The following TTN variants were observed in gnomAD, a reference collection of about 807,000 sequenced individuals.
The protein encoded by TTN is titin.
A neutral mutation model predicts 3,223.0 loss-of-function variants in TTN; 1,525 were observed. The observed-to-expected ratio is 0.47, with a 90% CI of 0.45 to 0.49. The LOEUF is 0.49. TTN is among the 20% of genes least tolerant of loss of function. The pLI, the probability that TTN is intolerant of heterozygous loss-of-function variation, is 0.00. For synonymous variants in TTN, 14,094 were observed against 15,161.0 expected (o/e 0.93, Z 5.17); for missense variants, 40,786 against 43,424.0 (o/e 0.94, Z 5.40).
In TTN at chr2:178,672,230, G is replaced by A; in HGVS notation, c.34968C>T (p.Phe11656=). ...TVLEEKVSVA[F]RQEVVVKERL... ...TTTCTTTTACTACTACTTCTTGGCG[G>A]AAGGCAACTGATACTTTTTCTTCAA... The change falls in exon 155 of 363, where the codon TTC becomes TTT. Residue 11656 remains phenylalanine, a synonymous_variant. Coordinates refer to ENST00000589042, the MANE Select transcript of TTN (RefSeq NM_001267550.2). 1 of 1,567,496 alleles carries A rather than the reference G, an allele frequency of 6.4e-7. No homozygotes were observed. The highest frequency in any genetic ancestry group is 8.7e-7 in the Non-Finnish European group (1 of 1,155,274).
chr2:178,802,068 G>A, intron 3 of TTN, 70 bp downstream of exon 3: 1 of 1,591,752 alleles, frequency 6.3e-7, no homozygotes, highest in South Asian at 1.1e-5. Flanking sequence ...GCTTTTTCTG[G>A]ACTCCTTTCC....
At chr2:178,685,646 G>A (rs768800184) in intron 127 of TTN, 48 bp from the exon 128 acceptor site, 1 of 1,569,372 alleles carries the variant, frequency 6.4e-7, no homozygotes, top group Non-Finnish European at 8.7e-7. Flanking sequence ...TGTTTTTCAT[G>A]TTTATTTTTA....
Position 178,727,582 on chromosome 2 carries a change from C to T in TTN, c.19993+3G>A. On this transcript the variant is annotated splice_donor_region_variant and intron_variant, in intron 68 of 362. Transcript: ENST00000589042. ...GAAACATAAAGGAATCAAATTTGCA[C>T]ACCTGTCACAAGCAACATCGTAGTA... is the stretch of plus-strand genomic sequence containing the variant. 1 of 1,554,790 alleles carries T rather than the reference C, an allele frequency of 6.4e-7. No individual in the cohort carries two copies. The highest frequency in any genetic ancestry group is 1.3e-5 in the South Asian group (1 of 79,570).
chr2:178,710,766 T>C lies in TTN; in HGVS notation c.28331A>G (p.Gln9444Arg). Residue 9444 changes from glutamine to arginine, a missense_variant, in exon 98 of 363, where the codon CAG (glutamine) becomes CGG (arginine). Coordinates refer to ENST00000589042, the MANE Select transcript of TTN (RefSeq NM_001267550.2). ...GGCGCTGTTTTCCAGATAACTAATC[T>C]GGTACTTTCCGCCACTTCGTATTTC... is the stretch of plus-strand genomic sequence containing the variant. ...SREIRSGGKY[Q>R]ISYLENSAHL... 1 of 1,613,970 alleles carries C rather than the reference T, an allele frequency of 6.2e-7. No individual in the cohort carries two copies. Among genetic ancestry groups the C allele is most frequent in the Non-Finnish European group, 8.5e-7 (1 of 1,179,846 alleles).
Position 178,564,628 on chromosome 2 carries a change from A to G in TTN, c.81504T>C (p.Arg27168=). 1.2e-6 allele frequency: 2 copies of G among 1,613,576 alleles called. No homozygotes were observed. The highest frequency in any genetic ancestry group is 1.7e-5 in the Admixed American group (1 of 59,982). The change falls in exon 326 of 363, where the codon CGT becomes CGC. Residue 27168 remains arginine (R), a synonymous_variant. Transcript: ENST00000589042. The stretch of plus-strand genomic sequence containing the variant: ...GGCGACCAGGTGGGTCACATGGATC[A>G]CGAGCAACAAAGCATTCTGACACTT... ...PSKVSECFVA[R]DPCDPPGRPE...
chr2:178,757,229 A>ACTGTACTTG (rs1398848581), intron 45 of TTN, among the ~76,000 whole-genome samples: 2 of 149,626 alleles, frequency 1.3e-5, no homozygotes, highest in East Asian at 2.0e-4. Flanking sequence ...AGTAAGTAAT[A>ACTGTACTTG]ATCAGCAAAT....
In TTN at chr2:178,599,036, T is replaced by C. The variant is rs780258242; in HGVS notation, c.56674A>G (p.Thr18892Ala). The change falls in exon 291 of 363, where the codon ACA becomes GCA. Residue 18892 changes from threonine (T) to alanine (A), a missense_variant. Physicochemically the swap from Thr to Ala is moderately conservative, Grantham distance 58. Coordinates refer to ENST00000589042, the MANE Select transcript of TTN (RefSeq NM_001267550.2). ...GAGTTACGAGTCACGCTGCTAACTG[T>C]TGGTTTATCTGGTGCTCCAGGGACA... ...FSVPGAPDKP[T>A]VSSVTRNSMT... is the part of the protein sequence containing the mutation. 1 of 1,578,896 alleles carries C rather than the reference T, an allele frequency of 6.3e-7. No homozygotes were observed. Among genetic ancestry groups the C allele is most frequent in the South Asian group, 1.2e-5 (1 of 85,414 alleles).
rs771748059 is a variant in TTN, at chr2:178,714,381, C to G, written c.26393G>C (p.Arg8798Thr). Reference protein sequence around the residue: ...SENIATLQFSRVEPANAGKYT... With the variant: ...SENIATLQFSTVEPANAGKYT... ...TTTTCCAGCATTGGCTGGTTCCACT[C>G]TTGAAAACTGTAAGGTTGCAATGTT... The change falls in exon 91 of 363, where the codon AGA (arginine) becomes ACA (threonine). Residue 8798 changes from arginine to threonine, a missense_variant. By Grantham distance (71) the Arg-to-Thr change is moderately conservative (BLOSUM62 -1). Transcript: ENST00000589042. The G allele has an allele frequency of 3.0e-5, 49 of 1,613,658 alleles. No homozygotes were observed. The highest frequency in any genetic ancestry group is 6.7e-5 in the Admixed American group (4 of 59,984).
rs886042397 is a variant in TTN at position 178,764,801 on chromosome 2, C to T, written c.9714G>A (p.Pro3238=). 5.6e-6 allele frequency: 9 copies of T among 1,612,962 alleles called. No individual in the cohort carries two copies. The highest frequency in any genetic ancestry group is 3.3e-5 in the Admixed American group (2 of 59,976). Residue 3238 remains proline, a synonymous_variant, in exon 42 of 363, where the codon CCG becomes CCA. Coordinates refer to ENST00000589042, the MANE Select transcript of TTN (RefSeq NM_001267550.2). The part of the protein sequence containing the change: ...SVTLYVNAPE[P]PQVLQELQPV... ...GCTGGAGCTCCTGCAGAACTTGGGGCGGTTCAGGAGCTAGGAGTAAATGTT... is the reference window on the plus strand; with the variant it reads ...GCTGGAGCTCCTGCAGAACTTGGGGTGGTTCAGGAGCTAGGAGTAAATGTT...
Position 178,571,860 on chromosome 2 carries a change from G to C in TTN, c.74272C>G (p.Gln24758Glu), listed in dbSNP as rs1015935551. ...CTCTCTGCATTTACTCTAGTTGTCT[G>C]CTTCAGTGGTACATTATCTTTATGC... ...TWHKDNVPLK[Q>E]TTRVNAESTE... The change falls in exon 326 of 363, where the codon CAG becomes GAG. Residue 24758 changes from glutamine to glutamate, a missense_variant. By Grantham distance (29) the Gln-to-Glu change is conservative. Coordinates refer to ENST00000589042, the MANE Select transcript of TTN (RefSeq NM_001267550.2). 6.2e-7 allele frequency: 1 copy of C among 1,613,398 alleles called. No homozygotes were observed. Among genetic ancestry groups the C allele is most frequent in the Admixed American group, 1.7e-5 (1 of 59,972 alleles).
In TTN at chr2:178,734,622, A is replaced by G; in HGVS notation, c.15218-16T>C. 1 of 1,560,154 alleles carries G rather than the reference A, an allele frequency of 6.4e-7. No homozygotes were observed. Among genetic ancestry groups the G allele is most frequent in the Non-Finnish European group, 8.7e-7 (1 of 1,154,282 alleles). On this transcript the variant is annotated splice_polypyrimidine_tract_variant and intron_variant, in intron 51 of 362. Transcript: ENST00000589042. Reference sequence around the variant, plus strand: ...GAAGGAGGTTCTACAAAAGCATGAAAGCATTGTGTAAGTAATGGGTAATAA... The same window carrying G: ...GAAGGAGGTTCTACAAAAGCATGAAGGCATTGTGTAAGTAATGGGTAATAA...
chr2:178,584,258 A>G lies in TTN; in HGVS notation c.65275+18T>C. 1 of 1,528,282 alleles carries G rather than the reference A, an allele frequency of 6.5e-7. No homozygotes were observed. The highest frequency in any genetic ancestry group is 8.8e-7 in the Non-Finnish European group (1 of 1,142,306). 94.7% of individuals were successfully genotyped at this position (1,528,282 alleles called of 1,614,324 possible). On this transcript the variant is annotated intron_variant, in intron 311 of 362. Transcript: ENST00000589042. The stretch of plus-strand genomic sequence containing the variant: ...AATACTAAAACAACAACAACAATAA[A>G]AAAACCCCAAAACTTACCAACTGGC...
In TTN at chr2:178,601,051, C is replaced by A; in HGVS notation, c.55853G>T (p.Cys18618Phe). The A allele has an allele frequency of 6.2e-7, 1 of 1,612,928 alleles. No individual in the cohort carries two copies. The change falls in exon 288 of 363, where the codon TGC (cysteine) becomes TTC (phenylalanine). Residue 18618 changes from cysteine (C) to phenylalanine (F), a missense_variant. Physicochemically the swap from Cys to Phe is radical, Grantham distance 205. Transcript: ENST00000589042. Reference protein sequence around the residue: ...GSPVTHYIVECLAWDPTGTKK... With the variant: ...GSPVTHYIVEFLAWDPTGTKK... ...TGTCCCAGTAGGGTCCCATGCAAGG[C>A]ACTCAACAATATAGTGGGTAACAGG...
rs144101806 is a variant in TTN, at chr2:178,544,114, T to C, written c.96030A>G (p.Glu32010=). The C allele has an allele frequency of 5.9e-5, 95 of 1,604,312 alleles. 1 individual carries two copies. The East Asian group carries it at 2.1e-3, about 36-fold the overall frequency. Residue 32010 remains glutamate (E), a splice_region_variant and synonymous_variant, in exon 346 of 363, where the codon GAA becomes GAG. Transcript: ENST00000589042. ...IAEIEPVERI[E]IPDLELADDL... is the part of the protein sequence containing the mutation. ...CATCTGCAAGCTCAAGATCTGGTAT[T>C]TCTGGAAAGTTAATGACAAAATTTA...
In TTN at chr2:178,573,962, G is replaced by T; in HGVS notation, c.72170C>A (p.Pro24057Gln). 1 of 1,613,338 alleles carries T rather than the reference G, an allele frequency of 6.2e-7. No individual in the cohort carries two copies. Among genetic ancestry groups the T allele is most frequent in the Non-Finnish European group, 8.5e-7 (1 of 1,179,596 alleles). ...TTTGCTCCATTCCATTGTTGGAGGTGGGCGGCCTGAAACATCAGCTTCCAG... is the reference window on the plus strand; with the variant it reads ...TTTGCTCCATTCCATTGTTGGAGGTTGGCGGCCTGAAACATCAGCTTCCAG... ...FRLEADVSGR[P>Q]PPTMEWSKDG... Residue 24057 changes from proline (P) to glutamine (Q), a missense_variant, in exon 326 of 363, where the codon CCA becomes CAA. Coordinates refer to ENST00000589042, the MANE Select transcript of TTN (RefSeq NM_001267550.2).
Position 178,586,618 on chromosome 2 carries a change from A to G in TTN, c.64283T>C (p.Val21428Ala), listed in dbSNP as rs1576014979. Reference sequence around the variant, plus strand: ...TTTCTTTCCTTCCTTTAGGCCAGTGACAACAAGGCTCAGATCTTTTACCAC... The same window carrying G: ...TTTCTTTCCTTCCTTTAGGCCAGTGGCAACAAGGCTCAGATCTTTTACCAC... Reference protein sequence around the residue: ...YSVVKDLSLVVTGLKEGKKYK... With the variant: ...YSVVKDLSLVATGLKEGKKYK... Residue 21428 changes from valine (V) to alanine (A), a missense_variant, in exon 308 of 363, where the codon GTC (valine) becomes GCC (alanine). Physicochemically the swap from Val to Ala is moderately conservative, Grantham distance 64 (BLOSUM62 0). Coordinates refer to ENST00000589042, the MANE Select transcript of TTN (RefSeq NM_001267550.2). 1.2e-6 allele frequency: 2 copies of G among 1,613,070 alleles called. No individual in the cohort carries two copies. The highest frequency in any genetic ancestry group is 8.5e-7 in the Non-Finnish European group (1 of 1,179,434).
rs2082177003 is a variant in TTN, at chr2:178,739,844, A to T, written c.13389T>A (p.Asp4463Glu). The T allele has an allele frequency of 1.2e-6, 2 of 1,613,752 alleles. No individual in the cohort carries two copies. Among genetic ancestry groups the T allele is most frequent in the African/African-American group, 2.7e-5 (2 of 74,912 alleles). ...CCATTTTCAGGTTAGCCATTTGAGGATCAACATCTTCAATAATGATGGTTA... is the reference window on the plus strand; with the variant it reads ...CCATTTTCAGGTTAGCCATTTGAGGTTCAACATCTTCAATAATGATGGTTA... ...EEVTIIIEDVDPQMANLKMEL... is the reference protein window; with the variant it reads ...EEVTIIIEDVEPQMANLKMEL... The change falls in exon 48 of 363, where the codon GAT (aspartate) becomes GAA (glutamate). Residue 4463 changes from aspartate to glutamate, a missense_variant. Coordinates refer to ENST00000589042, the MANE Select transcript of TTN (RefSeq NM_001267550.2).
Position 178,559,781 on chromosome 2 carries a change from G to C in TTN, c.86351C>G (p.Pro28784Arg). Reference sequence around the variant, plus strand: ...GTCTGGCTTACTCCACAAGACATTGGGTACTGGTCTTCCTCGGAAAGGCAC... The same window carrying C: ...GTCTGGCTTACTCCACAAGACATTGCGTACTGGTCTTCCTCGGAAAGGCAC... ...MTVPFRGRPV[P>R]NVLWSKPDTD... Residue 28784 changes from proline to arginine, a missense_variant, in exon 326 of 363, where the codon CCC becomes CGC. Physicochemically the swap from Pro to Arg is moderately radical, Grantham distance 103 (BLOSUM62 -2). Coordinates refer to ENST00000589042, the MANE Select transcript of TTN (RefSeq NM_001267550.2). The C allele has an allele frequency of 2.5e-6, 4 of 1,605,604 alleles. No individual in the cohort carries two copies. The highest frequency in any genetic ancestry group is 3.4e-6 in the Non-Finnish European group (4 of 1,176,230).
At position 178,724,126 on chromosome 2, in the gene TTN, A is replaced by T. The variant is rs921127943; in HGVS notation, c.21133T>A (p.Ser7045Thr). ...VDVSDRAVPP[S>T]FTRRLKNTGG... ...GTATTTTTCAGTCTTCGTGTGAAAGAGGGAGGAACTGCTCGGTCTGTGTGA... is the reference window on the plus strand; with the variant it reads ...GTATTTTTCAGTCTTCGTGTGAAAGTGGGAGGAACTGCTCGGTCTGTGTGA... The change falls in exon 73 of 363, where the codon TCT becomes ACT. Residue 7045 changes from serine to threonine, a missense_variant. Coordinates refer to ENST00000589042, the MANE Select transcript of TTN (RefSeq NM_001267550.2). 4 of 1,611,624 alleles carry T rather than the reference A, an allele frequency of 2.5e-6. No homozygotes were observed. Among genetic ancestry groups the T allele is most frequent in the Non-Finnish European group, 3.4e-6 (4 of 1,178,422 alleles).
Sources: allele counts gnomAD v4.1 joint callset (sites outside exome capture counted in the v4.1 genomes callset), GRCh38; gene constraint gnomAD v4.1.1; transcripts MANE v1.5; gene names NCBI Gene and HGNC (gene_info 2026-07-23, HGNC 2026-07-21).